Variants in RARB observed in about 807,000 individuals in gnomAD.
RARB encodes HBV-activated protein.
In RARB, 17 loss-of-function variants were observed where a neutral mutation model predicts 51.9. The ratio of observed to expected loss-of-function variants is 0.33; its 90% CI spans 0.22 to 0.49. The LOEUF (loss-of-function observed/expected upper bound fraction) is 0.49, where lower values mean the gene tolerates loss of function less well. RARB is among the 20% of genes least tolerant of loss of function. The probability of loss-of-function intolerance (pLI) is 0.99; values close to 1 mark genes in which losing one functional copy is unlikely to be tolerated. For synonymous variants in RARB, 215 were observed against 195.4 expected, an observed-to-expected ratio of 1.10 and a Z score of -0.84; for missense variants, 369 against 550.8, an observed-to-expected ratio of 0.67 and a Z score of 3.30.
Position 24,948,316 on chromosome 3 carries a change from C to G in RARB, c.-380+89564C>G, listed in dbSNP as rs1695817210. 2.6e-5 allele frequency among the ~76,000 whole-genome samples: 4 copies of G among 152,194 alleles called. No homozygotes were observed. The South Asian group carries it at 8.3e-4, about 32-fold the overall frequency. On this transcript the variant is annotated intron_variant, in intron 2 of 11. Coordinates refer to the RARB transcript ENST00000383772. ...TACAGGAAAAGAAATACACATATGA[C>G]TGAAATTCTGGATTCAAGTTCTAGA...
At position 25,516,631 on chromosome 3, in the gene RARB, C is replaced by CTTTTTTTT. The variant is rs559135603; in HGVS notation, c.448+15314_448+15321dup. On this transcript the variant is annotated intron_variant, in intron 3 of 7. Coordinates refer to ENST00000330688, the MANE Select transcript of RARB (RefSeq NM_000965.5). ...CAAAGGTTCATCTTTATTTCCTTGT[C>CTTTTTTTT]TTTTTTTTTTTTTGAGACAGGGTCA... is the stretch of plus-strand genomic sequence containing the variant. Among the ~76,000 whole-genome samples, 4 of 131,728 alleles carry CTTTTTTTT rather than the reference C, an allele frequency of 3.0e-5. 1 individual carries two copies. The highest frequency in any genetic ancestry group is 9.9e-5 in the African/African-American group (3 of 30,454). The allele number at this position is 131,728 out of a possible 152,430, so 86.4% of individuals were successfully genotyped here. A position where few individuals can be genotyped will look rare whatever the true frequency, so the allele number is the denominator to read the frequency against.
intron 2 of RARB, among the ~76,000 whole-genome samples, chr3:24,942,813 A>G (rs2125400982): frequency 6.6e-6 from 1 of 152,312 alleles, no homozygotes; most frequent in Admixed American, 6.5e-5. Context: ...TTCTCTATTA[A>G]CTTATGGATT....
At chr3:24,921,980 C>T (rs1439523262) in intron 2 of RARB, among the ~76,000 whole-genome samples, 2 of 152,196 alleles carry the variant, frequency 1.3e-5, no homozygotes, top group East Asian at 1.9e-4. Flanking sequence ...TCTCAGCGGA[C>T]AGTACTGTCC....
At chr3:25,027,577 C>T (rs1285407893) in intron 2 of RARB, among the ~76,000 whole-genome samples, 1 of 151,546 alleles carries the variant, frequency 6.6e-6, no homozygotes, top group East Asian at 2.0e-4. Context: ...CTATCCCTCA[C>T]ATATGACAGT....
chr3:24,866,469 C>T (rs1374602899), intron 2 of RARB, among the ~76,000 whole-genome samples: 2 of 152,124 alleles, frequency 1.3e-5, no homozygotes, highest in Non-Finnish European at 2.9e-5. Context: ...TGTCTTTTCT[C>T]ATGTACCCAT....
intron 2 of RARB, among the ~76,000 whole-genome samples, chr3:24,925,741 T>A (rs964193503): frequency 1.3e-5 from 2 of 151,436 alleles, no homozygotes; most frequent in Non-Finnish European, 2.9e-5. Context: ...TTAATAGAGA[T>A]ATCTTTCTTA....
intron 5 of RARB, among the ~76,000 whole-genome samples, chr3:25,310,086 G>C (rs1018794097): frequency 6.6e-6 from 1 of 152,170 alleles, no homozygotes. Flanking sequence ...TGAATTTGGA[G>C]TGAAAATGAT....
intron 5 of RARB, among the ~76,000 whole-genome samples, chr3:25,187,125 T>C (rs1700997467): frequency 6.6e-6 from 1 of 151,988 alleles, no homozygotes; most frequent in South Asian, 2.1e-4. Context: ...GGAGGGAACC[T>C]CTCAAATGAG....
chr3:25,358,940 C>CT (rs879944117), intron 5 of RARB, among the ~76,000 whole-genome samples: 98 of 141,614 alleles, frequency 6.9e-4, no homozygotes, highest in Admixed American at 1.2e-3. Context: ...CTGAAATTTT[C>CT]TTTTTTTTTT....
At chr3:25,511,903 G>A (rs1697913281) in intron 3 of RARB, among the ~76,000 whole-genome samples, 1 of 152,188 alleles carries the variant, frequency 6.6e-6, no homozygotes, top group Non-Finnish European at 1.5e-5. Context: ...TGTCACAGTG[G>A]ATTTTAAGCA....
rs322686 is a variant in RARB at position 25,334,543 on chromosome 3, C to A, written c.179-126650C>A. Among the ~76,000 whole-genome samples the A allele has an allele frequency of 5.6e-3, 858 of 151,906 alleles. 10 individuals carry two copies. Among genetic ancestry groups the A allele is most frequent in the African/African-American group, 0.019 (796 of 41,404 alleles). ...GGGGCCTGTTGTGGGGTGGAGGGAG[C>A]GGGGAAGGATAGCATTAGGAGATAT... On this transcript the variant is annotated intron_variant, in intron 5 of 11. Coordinates refer to the RARB transcript ENST00000383772.
chr3:25,490,581 C>T (rs564440155), intron 2 of RARB, among the ~76,000 whole-genome samples: 13 of 152,256 alleles, frequency 8.5e-5, no homozygotes, highest in South Asian at 6.2e-4. Flanking sequence ...TTTTCTCCCC[C>T]GCTTCTCAGT....
chr3:25,265,101 G>A (rs1229549688), intron 5 of RARB, among the ~76,000 whole-genome samples: 1 of 152,130 alleles, frequency 6.6e-6, no homozygotes, highest in Non-Finnish European at 1.5e-5. Flanking sequence ...AGAAAACTGT[G>A]AGAAATAAAT....
chr3:24,849,766 T>C (rs2125335629), intron 1 of RARB, among the ~76,000 whole-genome samples: 1 of 152,358 alleles, frequency 6.6e-6, no homozygotes, highest in Admixed American at 6.5e-5. Context: ...ACATCCATTA[T>C]GGGAATGAGC....
At chr3:25,110,501 T>C (rs1445983508) in intron 3 of RARB, among the ~76,000 whole-genome samples, 2 of 152,176 alleles carry the variant, frequency 1.3e-5, no homozygotes, top group Admixed American at 6.5e-5. Context: ...AAAATACCAG[T>C]TGTTTCATTT....
At chr3:25,040,730 G>T (rs1195665084) in intron 2 of RARB, among the ~76,000 whole-genome samples, 1 of 152,132 alleles carries the variant, frequency 6.6e-6, no homozygotes, top group Non-Finnish European at 1.5e-5. Context: ...TTCAGCCTGG[G>T]TGACAGTGAG....
intron 5 of RARB, among the ~76,000 whole-genome samples, chr3:25,358,053 T>C (rs1040862720): frequency 6.6e-6 from 1 of 152,192 alleles, no homozygotes; most frequent in Non-Finnish European, 1.5e-5. Context: ...AGAAAGTCAA[T>C]AGTAGCTTGA....
chr3:25,340,078 AAGG>A (rs1705185086), intron 5 of RARB, among the ~76,000 whole-genome samples: 1 of 152,146 alleles, frequency 6.6e-6, no homozygotes, highest in Non-Finnish European at 1.5e-5. Context: ...ATGTAAAGCG[AAGG>A]AGAACACGTG....
In RARB at chr3:25,206,350, C is replaced by G. The variant is rs190374220; in HGVS notation, c.178+31775C>G. On this transcript the variant is annotated intron_variant, in intron 5 of 11. Transcript: ENST00000383772. ...CTAAAGAGGAAATCTCGAATGTTTACTTGTTTTTACACCTAAATTACTCAG... is the reference window on the plus strand; with the variant it reads ...CTAAAGAGGAAATCTCGAATGTTTAGTTGTTTTTACACCTAAATTACTCAG... Among the ~76,000 whole-genome samples the G allele has an allele frequency of 8.9e-4, 135 of 152,280 alleles. 1 individual carries two copies. Among genetic ancestry groups the G allele is most frequent in the African/African-American group, 3.2e-3 (133 of 41,570 alleles).
Sources: gnomAD v4.1 joint callset for allele counts (sites outside exome capture counted in the v4.1 genomes callset) on GRCh38, gnomAD v4.1.1 for gene constraint, MANE v1.5 for transcripts, NCBI Gene and HGNC (gene_info 2026-07-23, HGNC 2026-07-21) for gene names.